FCGR2A: variants seen among roughly 807,000 people sequenced by gnomAD.
FCGR2A encodes low affinity immunoglobulin gamma Fc region receptor II-a.
In FCGR2A, 18 loss-of-function variants were observed where a neutral mutation model predicts 29.3. The ratio of observed to expected loss-of-function variants is 0.62; its 90% CI spans 0.43 to 0.91. FCGR2A has a LOEUF of 0.91. FCGR2A is among the 40% of genes least tolerant of loss of function. The pLI is 0.00. For missense variants in FCGR2A, 287 were observed against 393.0 expected, an observed-to-expected ratio of 0.73 and a Z score of 2.28; for synonymous variants, 126 against 144.8, an observed-to-expected ratio of 0.87 and a Z score of 0.93.
chr1:161,510,401 C>T, intron 4 of FCGR2A: 2 of 556,452 alleles, frequency 3.6e-6, no homozygotes, highest in Admixed American at 2.9e-5. Flanking sequence ...CTGAGGTTTG[C>T]CTCGTTTCTT....
chr1:161,514,534 A>G (rs6681076), intron 6 of FCGR2A: 13,046 of 164,202 alleles, frequency 0.079, 651 homozygotes, highest in African/African-American at 0.15. Flanking sequence ...GCAATGGGTG[A>G]CCAGGCATAG....
intron 6 of FCGR2A, 87 bp downstream of exon 6, chr1:161,514,019 T>G: frequency 6.3e-7 from 1 of 1,591,272 alleles, no homozygotes; most frequent in Non-Finnish European, 8.6e-7. Context: ...AATGCAAAAT[T>G]AAAATGGAGA....
In FCGR2A at chr1:161,518,618, C is replaced by CTTTT; in HGVS notation, c.*479_*482dup. 1 of 157,374 alleles carries CTTTT rather than the reference C, an allele frequency of 6.4e-6. No homozygotes were observed. Among genetic ancestry groups the CTTTT allele is most frequent in the South Asian group, 1.5e-4 (1 of 6,706 alleles). The allele number at this position is 157,374 out of a possible 1,614,324, so 9.7% of individuals were successfully genotyped here. A position where few individuals can be genotyped will look rare whatever the true frequency, so the allele number is the denominator to read the frequency against. Reference sequence around the variant, plus strand: ...GCGCCTCAGATTTTTCCTTTAACATCTTTTTTTTTTTTGACAGAGTCTCAA... The same window carrying CTTTT: ...GCGCCTCAGATTTTTCCTTTAACATCTTTTTTTTTTTTTTTTGACAGAGTCTCAA... On this transcript the variant is annotated 3_prime_UTR_variant, in exon 7 of 7. Coordinates refer to ENST00000271450, the MANE Select transcript of FCGR2A (RefSeq NM_001136219.3).
At chr1:161,506,087 G>T (rs530961520) in intron 2 of FCGR2A, 80 bp downstream of exon 2, 2 of 1,448,352 alleles carry the variant, frequency 1.4e-6, no homozygotes, top group South Asian at 2.3e-5. Context: ...GGCGGCGGGG[G>T]GGTATGTCTA....
Position 161,517,964 on chromosome 1 carries a change from C to G in FCGR2A, c.781-11C>G, listed in dbSNP as rs774546058. 1 of 1,612,432 alleles carries G rather than the reference C, an allele frequency of 6.2e-7. No individual in the cohort carries two copies. Among genetic ancestry groups the G allele is most frequent in the East Asian group, 2.2e-5 (1 of 44,884 alleles). ...TGAATTATCCTATGGGTTTTAAATGCTTTCCTGCAGCCACCTGGACGTCAA... is the reference window on the plus strand; with the variant it reads ...TGAATTATCCTATGGGTTTTAAATGGTTTCCTGCAGCCACCTGGACGTCAA... On this transcript the variant is annotated splice_polypyrimidine_tract_variant and intron_variant, in intron 6 of 6. Coordinates refer to ENST00000271450, the MANE Select transcript of FCGR2A (RefSeq NM_001136219.3).
intron 6 of FCGR2A, among the ~76,000 whole-genome samples, chr1:161,515,928 G>A (rs1676119460): frequency 6.6e-6 from 1 of 152,136 alleles, no homozygotes; most frequent in South Asian, 2.1e-4. Flanking sequence ...CAGTATTAAA[G>A]GAGCTCAACT....
In FCGR2A at chr1:161,519,600, T is replaced by C. The variant is rs1676363481; in HGVS notation, c.*1452T>C. 6.6e-6 allele frequency: 1 copy of C among 152,046 alleles called. No individual in the cohort carries two copies. The highest frequency in any genetic ancestry group is 1.5e-5 in the Non-Finnish European group (1 of 67,974). The allele number at this position is 152,046 out of a possible 1,614,324, so 9.4% of individuals were successfully genotyped here. A position where few individuals can be genotyped will look rare whatever the true frequency, so the allele number is the denominator to read the frequency against. On this transcript the variant is annotated 3_prime_UTR_variant, in exon 7 of 7. Coordinates refer to ENST00000271450, the MANE Select transcript of FCGR2A (RefSeq NM_001136219.3). The stretch of plus-strand genomic sequence containing the variant: ...GTTTACCTTTTCAGGGCTGTATTGA[T>C]TGGGGTGTAGACTGAACTATCCGGG...
Position 161,518,042 on chromosome 1 carries a change from C to T in FCGR2A, c.848C>T (p.Thr283Ile). 6.2e-7 allele frequency: 1 copy of T among 1,613,778 alleles called. No homozygotes were observed. Among genetic ancestry groups the T allele is most frequent in the Non-Finnish European group, 8.5e-7 (1 of 1,179,788 alleles). The change falls in exon 7 of 7, where the codon ACA becomes ATA. Residue 283 changes from threonine (T) to isoleucine (I), a missense_variant. By Grantham distance (89) the Thr-to-Ile change is moderately conservative. Coordinates refer to ENST00000271450, the MANE Select transcript of FCGR2A (RefSeq NM_001136219.3). ...GAAGAAACCAACAATGACTATGAAA[C>T]AGCTGACGGCGGCTACATGACTCTG... ...QLEETNNDYETADGGYMTLNP... is the reference protein window; with the variant it reads ...QLEETNNDYEIADGGYMTLNP...
In FCGR2A at chr1:161,506,268, C is replaced by A. The variant is rs569469949; in HGVS notation, c.107-66C>A. 8.8e-6 allele frequency: 14 copies of A among 1,590,420 alleles called. No individual in the cohort carries two copies. The African/African-American group carries it at 1.6e-4, about 18-fold the overall frequency. On this transcript the variant is annotated intron_variant, in intron 2 of 6. Transcript: ENST00000271450. ...TTGGGTGCCTGACCTCCCTTGGGAG[C>A]TCCTTTGGCATCCACAGTCCCTTCA...
chr1:161,523,869 C>G (rs1413028600), downstream of FCGR2A: 2 of 151,964 alleles, frequency 1.3e-5, no homozygotes, highest in African/African-American at 2.4e-5. Context: ...GAATCGAACC[C>G]GGGCCTCCCG....
chr1:161,508,086 CAAAAAAAAA>C (rs61414204), intron 3 of FCGR2A, among the ~76,000 whole-genome samples: 7 of 68,230 alleles, frequency 1.0e-4, no homozygotes, highest in Admixed American at 1.8e-4. Flanking sequence ...AACTCTGTCT[CAAAAAAAAA>C]AAAAAAAAAA....
rs140474146 is a variant in FCGR2A, at chr1:161,510,928, G to C, written c.714G>C (p.Leu238Phe). The C allele has an allele frequency of 6.2e-7, 1 of 1,614,052 alleles. No homozygotes were observed. Among genetic ancestry groups the C allele is most frequent in the South Asian group, 1.1e-5 (1 of 91,086 alleles). Residue 238 changes from leucine to phenylalanine, a missense_variant, in exon 5 of 7, where the codon TTG (leucine) becomes TTC (phenylalanine). Transcript: ENST00000271450. ...CCATTGTTGCTGCTGTAGTGGCCTT[G>C]ATCTACTGCAGGAAAAAGCGGATTT... ...VAAIVAAVVA[L>F]IYCRKKRISA...
At chr1:161,505,825 T>G (rs1431417402) in intron 1 of FCGR2A, 162 bp from the exon 2 acceptor site, 1 of 763,440 alleles carries the variant, frequency 1.3e-6, no homozygotes, top group Non-Finnish European at 2.3e-6. Flanking sequence ...AGGGGACATA[T>G]GAAGTGAATA....
chr1:161,511,433 G>C (rs1485630070), intron 5 of FCGR2A, among the ~76,000 whole-genome samples: 1 of 152,228 alleles, frequency 6.6e-6, no homozygotes, highest in Non-Finnish European at 1.5e-5. Flanking sequence ...AGTTACTGAT[G>C]ATAAGTAAAT....
chr1:161,522,558 G>C (rs1676495578), downstream of FCGR2A, among the ~76,000 whole-genome samples: 1 of 152,080 alleles, frequency 6.6e-6, no homozygotes, highest in Admixed American at 6.6e-5. Flanking sequence ...ACTTTTCCCT[G>C]CTGAGGTGAA....
At position 161,517,168 on chromosome 1, in the gene FCGR2A, A is replaced by G. The variant is rs530280412; in HGVS notation, c.781-807A>G. Among the ~76,000 whole-genome samples the G allele has an allele frequency of 6.0e-5, 9 of 151,068 alleles. 2 individuals are homozygous for G. The highest frequency in any genetic ancestry group is 2.2e-4 in the African/African-American group (9 of 41,064). On this transcript the variant is annotated intron_variant, in intron 6 of 6. Coordinates refer to ENST00000271450, the MANE Select transcript of FCGR2A (RefSeq NM_001136219.3). ...AACTTTGTTTTTTTAATAGAAGAAT[A>G]CTCTGAATTCCTTTCAAGCAATACA...
At chr1:161,506,225 A>T in intron 2 of FCGR2A, 109 bp from the exon 3 acceptor site, 1 of 1,441,222 alleles carries the variant, frequency 6.9e-7, no homozygotes, top group Non-Finnish European at 9.6e-7. Context: ...ATCTTGAACT[A>T]CATCTACAAT....
downstream of FCGR2A, chr1:161,523,868 C>A (rs772415025): frequency 6.6e-6 from 1 of 151,928 alleles, no homozygotes; most frequent in Non-Finnish European, 1.5e-5. Flanking sequence ...GGAATCGAAC[C>A]CGGGCCTCCC....
At chr1:161,511,987 T>C (rs566124597) in intron 5 of FCGR2A, among the ~76,000 whole-genome samples, 6 of 152,276 alleles carry the variant, frequency 3.9e-5, no homozygotes, top group Non-Finnish European at 7.4e-5. Flanking sequence ...CTGAGTCTAA[T>C]TTCTGGGCCT....
Sources: gnomAD v4.1 joint callset for allele counts (sites outside exome capture counted in the v4.1 genomes callset) on GRCh38, gnomAD v4.1.1 for gene constraint, MANE v1.5 for transcripts, NCBI Gene and HGNC (gene_info 2026-07-23, HGNC 2026-07-21) for gene names.